Variants in PSMD1 observed in about 807,000 individuals in gnomAD.
PSMD1 encodes 26S proteasome non-ATPase regulatory subunit 1.
PSMD1 carries 18 observed loss-of-function variants against 119.0 expected under a neutral mutation model. The observed-to-expected ratio is 0.15, with a 90% CI of 0.10 to 0.22. The LOEUF (loss-of-function observed/expected upper bound fraction) is 0.22, where lower values mean the gene tolerates loss of function less well. Ranked by LOEUF, PSMD1 falls within the 10% of genes least tolerant of loss-of-function variation. The pLI is 1.00. For missense variants in PSMD1, 702 were observed against 1,158.5 expected, an observed-to-expected ratio of 0.61 and a Z score of 5.72; for synonymous variants, 374 against 396.6, an observed-to-expected ratio of 0.94 and a Z score of 0.68.
Position 231,061,260 on chromosome 2 carries a change from C to G in PSMD1, c.17-7C>G, listed in dbSNP as rs780734917. Reference sequence around the variant, plus strand: ...TTCATAATCATGTTACATCTTTTTTCTCATAGCTGGAATTATTTCTCTTCT... The same window carrying G: ...TTCATAATCATGTTACATCTTTTTTGTCATAGCTGGAATTATTTCTCTTCT... On this transcript the variant is annotated splice_polypyrimidine_tract_variant and splice_region_variant and intron_variant, in intron 1 of 24. Coordinates refer to ENST00000308696, the MANE Select transcript of PSMD1 (RefSeq NM_002807.4). 6.3e-7 allele frequency: 1 copy of G among 1,582,794 alleles called. No individual in the cohort carries two copies. The highest frequency in any genetic ancestry group is 8.6e-7 in the Non-Finnish European group (1 of 1,157,080).
At chr2:231,116,619 C>T (rs1695343456) in intron 16 of PSMD1, among the ~76,000 whole-genome samples, 1 of 151,654 alleles carries the variant, frequency 6.6e-6, no homozygotes, top group Non-Finnish European at 1.5e-5. Context: ...GATCCACATA[C>T]TCCTAATTGT....
chr2:231,063,190 C>T (rs186614583), intron 4 of PSMD1, among the ~76,000 whole-genome samples: 29 of 152,246 alleles, frequency 1.9e-4, no homozygotes, highest in Admixed American at 3.3e-4. Context: ...TATTTGTAAC[C>T]GTTGTTTTCT....
chr2:231,161,972 T>C (rs556941958), intron 20 of PSMD1, among the ~76,000 whole-genome samples: 7 of 152,322 alleles, frequency 4.6e-5, no homozygotes, highest in African/African-American at 1.7e-4. Context: ...TCCAGAGTTA[T>C]CTGATACTCG....
chr2:231,058,239 A>C (rs1693659534), intron 1 of PSMD1, among the ~76,000 whole-genome samples: 3 of 152,266 alleles, frequency 2.0e-5, no homozygotes, highest in African/African-American at 7.2e-5. Flanking sequence ...TTCTATTTCA[A>C]ATCCATCCAT....
chr2:231,065,284 T>C (rs924253420), intron 4 of PSMD1, among the ~76,000 whole-genome samples: 1 of 146,508 alleles, frequency 6.8e-6, no homozygotes, highest in Non-Finnish European at 1.5e-5. Flanking sequence ...TTGTTTTTTT[T>C]GTTTTTTTGT....
chr2:231,138,308 G>A (rs936865479), intron 16 of PSMD1, among the ~76,000 whole-genome samples: 2 of 152,246 alleles, frequency 1.3e-5, no homozygotes, highest in Admixed American at 1.3e-4. Context: ...TGATACTGGG[G>A]GATTTAAATC....
Position 231,162,042 on chromosome 2 carries a change from C to T in PSMD1, c.2388+533C>T, listed in dbSNP as rs183321422. ...GAAAAAGCAAAATAGGAGGATGACCCTTTGGTAGAAGCAGGAAACAAGACC... is the reference window on the plus strand; with the variant it reads ...GAAAAAGCAAAATAGGAGGATGACCTTTTGGTAGAAGCAGGAAACAAGACC... On this transcript the variant is annotated intron_variant, in intron 20 of 24. Coordinates refer to ENST00000308696, the MANE Select transcript of PSMD1 (RefSeq NM_002807.4). Among the ~76,000 whole-genome samples the T allele has an allele frequency of 3.5e-4, 53 of 152,298 alleles. No individual in the cohort carries two copies. In the East Asian group the frequency reaches 9.8e-3, roughly 28 times the overall value.
Position 231,161,486 on chromosome 2 carries a change from A to T in PSMD1, c.2365A>T (p.Ile789Phe). 1 of 1,613,992 alleles carries T rather than the reference A, an allele frequency of 6.2e-7. No homozygotes were observed. The highest frequency in any genetic ancestry group is 8.5e-7 in the Non-Finnish European group (1 of 1,179,988). ...ATTGGCTTATACCCCTACCTGTGTCATTGGCCTTAACAAGGACTTAAAGGT... is the reference window on the plus strand; with the variant it reads ...ATTGGCTTATACCCCTACCTGTGTCTTTGGCCTTAACAAGGACTTAAAGGT... ...LSLAYTPTCV[I>F]GLNKDLKMPK... The change falls in exon 20 of 25, where the codon ATT (isoleucine) becomes TTT (phenylalanine). Residue 789 changes from isoleucine to phenylalanine, a missense_variant. By Grantham distance (21) the Ile-to-Phe change is conservative (BLOSUM62 0). Transcript: ENST00000308696.
At chr2:231,089,284 A>G (rs1414487908) in intron 16 of PSMD1, among the ~76,000 whole-genome samples, 4 of 152,226 alleles carry the variant, frequency 2.6e-5, no homozygotes, top group South Asian at 4.1e-4. Flanking sequence ...GAAGGTGGCT[A>G]TCCTAAACAA....
At chr2:231,104,829 G>A (rs1030771380) in intron 16 of PSMD1, among the ~76,000 whole-genome samples, 1 of 152,068 alleles carries the variant, frequency 6.6e-6, no homozygotes, top group African/African-American at 2.4e-5. Context: ...TTTGAGAAGT[G>A]TCTGTCCTAT....
intron 16 of PSMD1, among the ~76,000 whole-genome samples, chr2:231,120,214 A>G (rs935175786): frequency 2.0e-5 from 3 of 152,162 alleles, no homozygotes; most frequent in African/African-American, 7.2e-5. Flanking sequence ...AGCCTCCTAA[A>G]GTGCTGGGGT....
intron 21 of PSMD1, among the ~76,000 whole-genome samples, chr2:231,163,975 C>T (rs1221122404): frequency 4.6e-5 from 7 of 152,120 alleles, no homozygotes; most frequent in African/African-American, 1.4e-4. Flanking sequence ...TTTTATACCA[C>T]GAATAAAATT....
intron 10 of PSMD1, among the ~76,000 whole-genome samples, chr2:231,079,170 A>C (rs1034961297): frequency 1.3e-5 from 2 of 152,098 alleles, no homozygotes; most frequent in African/African-American, 4.8e-5. Flanking sequence ...ACCAGTCCTT[A>C]ATTCTAAATT....
chr2:231,104,242 C>G (rs560884776), intron 16 of PSMD1, among the ~76,000 whole-genome samples: 1 of 152,224 alleles, frequency 6.6e-6, no homozygotes, highest in South Asian at 2.1e-4. Context: ...GTGCTTTGCT[C>G]TCTAGTTAAC....
At chr2:231,139,567 AAAAAAAAAG>A (rs1481430877) in intron 17 of PSMD1, among the ~76,000 whole-genome samples, 3 of 148,684 alleles carry the variant, frequency 2.0e-5, no homozygotes, top group African/African-American at 5.0e-5. Flanking sequence ...TTAAAAAAAA[AAAAAAAAAG>A]AAGAAGAAGA....
chr2:231,165,023 T>G (rs1293260208), intron 21 of PSMD1, 177 bp from the exon 22 acceptor site: 1 of 42,878 alleles, frequency 2.3e-5, no homozygotes, highest in Non-Finnish European at 3.4e-5. Flanking sequence ...TATTCTTTGA[T>G]TTATATATAT....
chr2:231,163,373 T>C (rs184660133), intron 20 of PSMD1: 56 of 356,132 alleles, frequency 1.6e-4, no homozygotes, highest in Admixed American at 1.0e-3. Flanking sequence ...GACTTACCCA[T>C]TGAAGCAGGT....
chr2:231,115,504 T>A (rs1348303124), intron 16 of PSMD1, among the ~76,000 whole-genome samples: 1 of 152,150 alleles, frequency 6.6e-6, no homozygotes, highest in Non-Finnish European at 1.5e-5. Context: ...TTCAGCAGCT[T>A]CTTAAAAAGG....
At chr2:231,062,359 C>G in intron 3 of PSMD1, 38 bp downstream of exon 3, 1 of 1,544,542 alleles carries the variant, frequency 6.5e-7, no homozygotes, top group African/African-American at 1.4e-5. Flanking sequence ...TAAGATGGAT[C>G]AAATTTAATT....
Sources: gnomAD v4.1 joint callset for allele counts (sites outside exome capture counted in the v4.1 genomes callset) on GRCh38, gnomAD v4.1.1 for gene constraint, MANE v1.5 for transcripts, NCBI Gene and HGNC (gene_info 2026-07-23, HGNC 2026-07-21) for gene names.